The following ARMCX4 variants were observed in gnomAD, a reference collection of about 807,000 sequenced individuals.
ARMCX4 encodes armadillo repeat containing X-linked 4.
Under a neutral mutation model 34.7 loss-of-function variants are expected in ARMCX4, and 3 were observed. The ratio of observed to expected loss-of-function variants is 0.09; its 90% CI spans 0.04 to 0.22. ARMCX4 has a LOEUF of 0.22. ARMCX4 is among the 10% of genes least tolerant of loss of function. The pLI is 1.00. For missense variants in ARMCX4, 1,448 were observed against 1,720.8 expected, an observed-to-expected ratio of 0.84 and a Z score of 2.81; for synonymous variants, 513 against 632.8, an observed-to-expected ratio of 0.81 and a Z score of 2.84.
intron 4 of ARMCX4, among the ~76,000 whole-genome samples, chrX:101,470,443 G>A (rs1932874589): frequency 9.1e-6 from 1 of 110,113 alleles, no homozygotes; most frequent in African/African-American, 3.3e-5. Context: ...CTCCCAATTA[G>A]CTGGGATTAC....
rs1003791259 is a variant in ARMCX4 at position 101,494,345 on chromosome X, G to C, written c.5756G>C (p.Gly1919Ala). Residue 1919 changes from glycine (G) to alanine (A), a missense_variant, in exon 6 of 6, where the codon GGG becomes GCG. This residue lies in a region of ARMCX4 where 1,343 missense variants were observed against 1,540.7 expected (regional missense o/e 0.87). Transcript: ENST00000423738. ...ENSNTFRSKS[G>A]KDASFESGAG... ...AGTAATACGTTCAGATCTAAGAGTG[G>C]GAAAGATGCCAGTTTTGAGTCTGGA... The C allele has an allele frequency of 2.1e-4, 237 of 1,152,988 alleles. No homozygotes were observed. Among genetic ancestry groups the C allele is most frequent in the Non-Finnish European group, 2.6e-4 (231 of 872,095 alleles).
intron 4 of ARMCX4, among the ~76,000 whole-genome samples, chrX:101,454,720 G>A (rs1238520802): frequency 1.8e-5 from 2 of 111,512 alleles, no homozygotes; most frequent in Non-Finnish European, 3.8e-5. Context: ...CCTTCCCAAA[G>A]TAAATGTCTT....
exon 12 of ARMCX4, chrX:101,531,712 A>T (rs1398492866): frequency 8.9e-6 from 1 of 111,800 alleles, no homozygotes; most frequent in Non-Finnish European, 1.9e-5. Flanking sequence ...ACCAAGGCTG[A>T]TCTTGTACTA....
chrX:101,437,704 C>G (rs1466175463), intron 2 of ARMCX4, among the ~76,000 whole-genome samples: 1 of 111,315 alleles, frequency 9.0e-6, no homozygotes, highest in Non-Finnish European at 1.9e-5. Context: ...AATGTGTTTG[C>G]TCTTGCTTCT....
chrX:101,419,483 GC>G (rs1449954403), intron 2 of ARMCX4, among the ~76,000 whole-genome samples: 1 of 112,314 alleles, frequency 8.9e-6, no homozygotes, highest in Non-Finnish European at 1.9e-5. Flanking sequence ...CTCTTAAAAT[GC>G]CTATGGAATA....
At chrX:101,438,787 T>C (rs1183638043) in intron 2 of ARMCX4, among the ~76,000 whole-genome samples, 3 of 111,157 alleles carry the variant, frequency 2.7e-5, no homozygotes, top group African/African-American at 9.8e-5. Flanking sequence ...AGACTAGGAT[T>C]GCAACCCCTG....
chrX:101,419,133 A>G (rs1444452354), intron 2 of ARMCX4: 4 of 109,242 alleles, frequency 3.7e-5, no homozygotes, highest in Non-Finnish European at 5.7e-5. Context: ...CTTAGTTCAC[A>G]TTGACTTGTC....
intron 2 of ARMCX4, among the ~76,000 whole-genome samples, chrX:101,439,930 C>G (rs1429368201): frequency 6.3e-5 from 7 of 111,600 alleles, no homozygotes; most frequent in Middle Eastern, 4.6e-3. Flanking sequence ...AAACTTCCTC[C>G]TTTAGCTCGG....
In ARMCX4 at chrX:101,495,618, T is replaced by G; in HGVS notation, c.*156T>G. 2.2e-6 allele frequency: 1 copy of G among 455,549 alleles called. No homozygotes were observed. The highest frequency in any genetic ancestry group is 3.4e-6 in the Non-Finnish European group (1 of 297,012). The allele number at this position is 455,549 out of a possible 1,213,427, so 37.5% of individuals were successfully genotyped here. A position where few individuals can be genotyped will look rare whatever the true frequency, so the allele number is the denominator to read the frequency against. On this transcript the variant is annotated 3_prime_UTR_variant, in exon 6 of 6. Transcript: ENST00000423738. ...TGAACACCAAATGAATTCAAGCTTGTACTAAAAATACATGTGTTGATTTTT... is the reference window on the plus strand; with the variant it reads ...TGAACACCAAATGAATTCAAGCTTGGACTAAAAATACATGTGTTGATTTTT...
In ARMCX4 at chrX:101,439,330, C is replaced by T. The variant is rs782201868; in HGVS notation, n.165-4722C>T. 3.0e-3 allele frequency among the ~76,000 whole-genome samples: 332 copies of T among 111,500 alleles called. 1 individual carries two copies. Among genetic ancestry groups the T allele is most frequent in the African/African-American group, 9.9e-3 (304 of 30,717 alleles). On this transcript the variant is annotated intron_variant and non_coding_transcript_variant, in intron 2 of 3. Coordinates refer to the ARMCX4 transcript ENST00000430461. ...CTCTTCTGGCTTGTAGAGTTTCTGC[C>T]GAGAGATCCGCTGTTAGTCTGATGG...
downstream of ARMCX4, among the ~76,000 whole-genome samples, chrX:101,496,104 C>T (rs781878132): frequency 9.1e-6 from 1 of 110,137 alleles, no homozygotes; most frequent in African/African-American, 3.3e-5. Context: ...GAAATGCTGG[C>T]CTGCTTGAAG....
intron 11 of ARMCX4, among the ~76,000 whole-genome samples, chrX:101,523,452 G>A (rs1332389629): frequency 3.6e-5 from 4 of 112,140 alleles, no homozygotes; most frequent in Non-Finnish European, 7.5e-5. Flanking sequence ...AAATCTAATT[G>A]GCTAAAGGAT....
At chrX:101,445,934 A>T (rs1167730685) in intron 3 of ARMCX4, 1 of 111,523 alleles carries the variant, frequency 9.0e-6, no homozygotes, top group Admixed American at 9.6e-5. Flanking sequence ...GCACAAACAC[A>T]TGTTTATTTC....
At chrX:101,438,059 C>T (rs926554514) in intron 2 of ARMCX4, among the ~76,000 whole-genome samples, 1 of 111,295 alleles carries the variant, frequency 9.0e-6, no homozygotes, top group Non-Finnish European at 1.9e-5. Context: ...TTTTACATTT[C>T]CTGAGGAGTG....
At position 101,473,143 on chromosome X, in the gene ARMCX4, G is replaced by T. The variant is rs782001263; in HGVS notation, c.-472-12880G>T. Among the ~76,000 whole-genome samples, 3 of 111,019 alleles carry T rather than the reference G, an allele frequency of 2.7e-5. No homozygotes were observed. The Admixed American group carries it at 2.9e-4, about 11-fold the overall frequency. On this transcript the variant is annotated intron_variant and NMD_transcript_variant, in intron 4 of 15. Transcript: ENST00000433011. ...CCAAGCAAATGGAAAACAAAAAGAGGCAGGGGTTGCGATCCTAGTCTCTGA... is the reference window on the plus strand; with the variant it reads ...CCAAGCAAATGGAAAACAAAAAGAGTCAGGGGTTGCGATCCTAGTCTCTGA...
chrX:101,519,844 T>G (rs1471141613), intron 11 of ARMCX4, among the ~76,000 whole-genome samples: 7 of 111,524 alleles, frequency 6.3e-5, no homozygotes, highest in African/African-American at 2.3e-4. Context: ...TATCTTTTTT[T>G]TTTGATAATA....
At chrX:101,496,338 G>A (rs1934177317), downstream of ARMCX4, among the ~76,000 whole-genome samples, 1 of 110,366 alleles carries the variant, frequency 9.1e-6, no homozygotes, top group African/African-American at 3.3e-5. Context: ...GGCGGGGATA[G>A]GAGTGGTGAC....
chrX:101,464,568 C>T (rs782001727), intron 4 of ARMCX4, among the ~76,000 whole-genome samples: 1 of 110,775 alleles, frequency 9.0e-6, no homozygotes, highest in African/African-American at 3.3e-5. Flanking sequence ...GAAGATAGGT[C>T]AAGAGAGGGT....
chrX:101,521,944 C>T (rs959018601), intron 11 of ARMCX4, among the ~76,000 whole-genome samples: 2 of 111,170 alleles, frequency 1.8e-5, no homozygotes, highest in East Asian at 5.6e-4. Context: ...GAAGAATGTT[C>T]CATGTGTCCT....
Sources: allele counts gnomAD v4.1 joint callset (sites outside exome capture counted in the v4.1 genomes callset), GRCh38; gene constraint gnomAD v4.1.1; regional missense constraint gnomAD v4.1.1; transcripts MANE v1.5; gene names NCBI Gene and HGNC (gene_info 2026-07-23, HGNC 2026-07-21).